The following PPP2R5E variants were observed in gnomAD, a reference collection of about 807,000 sequenced individuals.
The protein encoded by PPP2R5E is protein phosphatase 2 regulatory subunit B'epsilon.
In PPP2R5E, 4 loss-of-function variants were observed where a neutral mutation model predicts 65.3. The observed-to-expected ratio is 0.06, with a 90% CI of 0.03 to 0.14. The LOEUF is 0.14. Ranked by LOEUF, PPP2R5E falls within the 10% of genes least tolerant of loss-of-function variation. The probability of loss-of-function intolerance (pLI) is 1.00; values close to 1 mark genes in which losing one functional copy is unlikely to be tolerated. For missense variants in PPP2R5E, 274 were observed against 556.1 expected, an observed-to-expected ratio of 0.49 and a Z score of 5.10; for synonymous variants, 183 against 187.4, an observed-to-expected ratio of 0.98 and a Z score of 0.19.
At chr14:63,481,830 T>A (rs919197665) in intron 2 of PPP2R5E, among the ~76,000 whole-genome samples, 10 of 152,194 alleles carry the variant, frequency 6.6e-5, no homozygotes, top group Admixed American at 5.9e-4. Context: ...GAGAGGGTTA[T>A]CGGTTAATAA....
At chr14:63,429,894 G>A (rs1332731194) in intron 3 of PPP2R5E, among the ~76,000 whole-genome samples, 2 of 152,054 alleles carry the variant, frequency 1.3e-5, no homozygotes, top group Non-Finnish European at 2.9e-5. Flanking sequence ...ATGTTGGTCA[G>A]GCTAGTCTTG....
chr14:63,540,375 G>A (rs1348200721), intron 1 of PPP2R5E, among the ~76,000 whole-genome samples: 2 of 147,386 alleles, frequency 1.4e-5, no homozygotes, highest in East Asian at 2.0e-4. Context: ...AGGTTGCGGT[G>A]AGCCAAGATG....
At chr14:63,449,438 T>C (rs991267561) in intron 3 of PPP2R5E, among the ~76,000 whole-genome samples, 1 of 152,178 alleles carries the variant, frequency 6.6e-6, no homozygotes, top group Non-Finnish European at 1.5e-5. Context: ...TCTAAAACTT[T>C]TATAAATATT....
At chr14:63,408,879 G>C (rs1886232657) in intron 5 of PPP2R5E, among the ~76,000 whole-genome samples, 1 of 152,184 alleles carries the variant, frequency 6.6e-6, no homozygotes, top group South Asian at 2.1e-4. Flanking sequence ...CAGATCACTT[G>C]AGTCCAGGAG....
At chr14:63,450,951 C>T (rs1049439090) in intron 3 of PPP2R5E, among the ~76,000 whole-genome samples, 2 of 151,924 alleles carry the variant, frequency 1.3e-5, no homozygotes, top group Admixed American at 6.6e-5. Flanking sequence ...GTGGGGAATA[C>T]GTGAAAGTCC....
At position 63,485,243 on chromosome 14, in the gene PPP2R5E, T is replaced by C. The variant is rs541759598; in HGVS notation, c.158-31358A>G. On this transcript the variant is annotated intron_variant, in intron 2 of 13. Transcript: ENST00000337537. ...ATACTGGCAACAATATGAATTAAGATATGTGAATACCCTCTTCCATTTTAT... is the reference window on the plus strand; with the variant it reads ...ATACTGGCAACAATATGAATTAAGACATGTGAATACCCTCTTCCATTTTAT... Among the ~76,000 whole-genome samples, 22 of 151,236 alleles carry C rather than the reference T, an allele frequency of 1.5e-4. No homozygotes were observed. The East Asian group carries it at 4.1e-3, about 28-fold the overall frequency.
chr14:63,535,502 G>A (rs10143003), intron 2 of PPP2R5E, among the ~76,000 whole-genome samples: 16,366 of 151,804 alleles, frequency 0.11, 929 homozygotes, highest in East Asian at 0.15. Context: ...ACTTTAAAAC[G>A]CTAAGAATTA....
At position 63,514,474 on chromosome 14, in the gene PPP2R5E, C is replaced by A. The variant is rs201222396; in HGVS notation, c.157+25055G>T. On this transcript the variant is annotated intron_variant, in intron 2 of 13. Coordinates refer to ENST00000337537, the MANE Select transcript of PPP2R5E (RefSeq NM_006246.5). ...TACCTTTAAAACTATGTTTATTATACTACATTACACAAAAACTCTCTTCAT... is the reference window on the plus strand; with the variant it reads ...TACCTTTAAAACTATGTTTATTATAATACATTACACAAAAACTCTCTTCAT... 4.3e-5 allele frequency among the ~76,000 whole-genome samples: 6 copies of A among 141,076 alleles called. No homozygotes were observed. In the East Asian group the frequency reaches 8.3e-4, roughly 20 times the overall value. 92.6% of individuals were successfully genotyped at this position (141,076 alleles called of 152,430 possible).
chr14:63,452,424 C>T (rs1888897391), intron 3 of PPP2R5E: 1 of 152,220 alleles, frequency 6.6e-6, no homozygotes, highest in African/African-American at 2.4e-5. Flanking sequence ...TTAGCAGTAT[C>T]TCTGGCCTCT....
chr14:63,516,743 A>C (rs1280231967), intron 2 of PPP2R5E, among the ~76,000 whole-genome samples: 4 of 152,220 alleles, frequency 2.6e-5, no homozygotes, highest in African/African-American at 4.8e-5. Flanking sequence ...ACCAGCTGGG[A>C]AGACAGGTGA....
At chr14:63,400,748 G>A (rs1414480944) in intron 5 of PPP2R5E, among the ~76,000 whole-genome samples, 1 of 136,034 alleles carries the variant, frequency 7.4e-6, no homozygotes, top group African/African-American at 2.7e-5. Context: ...TCTATAACAT[G>A]TTCCAAATGA....
intron 2 of PPP2R5E, among the ~76,000 whole-genome samples, chr14:63,536,528 C>A (rs182900248): frequency 8.5e-5 from 13 of 152,170 alleles, no homozygotes; most frequent in Admixed American, 7.9e-4. Context: ...TGGGTACATA[C>A]CCAAAAGAAA....
At position 63,512,264 on chromosome 14, in the gene PPP2R5E, G is replaced by A. The variant is rs146095379; in HGVS notation, c.157+27265C>T. ...ATCATCTAGATAGAGGAACAGTTACGCTCTTTCCTTATAGAAAAGAAACCA... is the reference window on the plus strand; with the variant it reads ...ATCATCTAGATAGAGGAACAGTTACACTCTTTCCTTATAGAAAAGAAACCA... On this transcript the variant is annotated intron_variant, in intron 2 of 13. Transcript: ENST00000337537. Among the ~76,000 whole-genome samples, 235 of 152,084 alleles carry A rather than the reference G, an allele frequency of 1.5e-3. 1 individual carries two copies. Among genetic ancestry groups the A allele is most frequent in the African/African-American group, 4.7e-3 (194 of 41,516 alleles).
intron 3 of PPP2R5E, among the ~76,000 whole-genome samples, chr14:63,430,039 G>T (rs559870202): frequency 1.2e-4 from 18 of 152,224 alleles, no homozygotes; most frequent in Non-Finnish European, 1.9e-4. Flanking sequence ...AGTAGATACG[G>T]TGAAATTGAA....
intron 2 of PPP2R5E, among the ~76,000 whole-genome samples, chr14:63,494,527 G>A (rs950969275): frequency 1.3e-5 from 2 of 149,100 alleles, no homozygotes; most frequent in Non-Finnish European, 1.5e-5. Context: ...GAGCCACCGC[G>A]CCCGGCTGTA....
intron 4 of PPP2R5E, among the ~76,000 whole-genome samples, chr14:63,419,080 C>CAAGTGATCCA (rs1361356917): frequency 1.3e-5 from 2 of 152,178 alleles, no homozygotes; most frequent in Non-Finnish European, 2.9e-5. Context: ...CTCCTGGCTT[C>CAAGTGATCCA]AAGTGATCCA....
chr14:63,482,102 A>G (rs1323262962), intron 2 of PPP2R5E, among the ~76,000 whole-genome samples: 1 of 152,236 alleles, frequency 6.6e-6, no homozygotes, highest in African/African-American at 2.4e-5. Context: ...AACTTTTCAG[A>G]ATCAATACAA....
intron 2 of PPP2R5E, among the ~76,000 whole-genome samples, chr14:63,523,136 C>T (rs1455666276): frequency 2.0e-5 from 3 of 148,844 alleles, no homozygotes; most frequent in Non-Finnish European, 4.4e-5. Flanking sequence ...AAGTGGGGGG[C>T]GCCTCTGCCC....
intron 2 of PPP2R5E, among the ~76,000 whole-genome samples, chr14:63,466,392 C>A (rs1053797951): frequency 6.6e-6 from 1 of 151,844 alleles, no homozygotes; most frequent in Non-Finnish European, 1.5e-5. Flanking sequence ...GAGACTGACA[C>A]AGGACTGAGA....
Sources: allele counts gnomAD v4.1 joint callset (sites outside exome capture counted in the v4.1 genomes callset), GRCh38; gene constraint gnomAD v4.1.1; transcripts MANE v1.5; gene names NCBI Gene and HGNC (gene_info 2026-07-23, HGNC 2026-07-21).